STAU2: variants seen among roughly 807,000 people sequenced by gnomAD.
STAU2 encodes the protein staufen double-stranded RNA binding protein 2, also known as double-stranded RNA-binding protein Staufen homolog 2.
In STAU2, 20 loss-of-function variants were observed where a neutral mutation model predicts 65.9. The observed-to-expected ratio is 0.30, with a 90% CI of 0.21 to 0.44. The LOEUF (loss-of-function observed/expected upper bound fraction) is 0.44. Among genes scored for constraint, STAU2 ranks in the 20% least tolerant of loss-of-function variants. The probability of loss-of-function intolerance (pLI) is 1.00; values close to 1 mark genes in which losing one functional copy is unlikely to be tolerated. For missense variants in STAU2, 558 were observed against 683.9 expected (o/e 0.82, Z 2.05); for synonymous variants, 232 against 233.9 (o/e 0.99, Z 0.07).
At chr8:73,711,141 A>C (rs1394573980) in intron 3 of STAU2, among the ~76,000 whole-genome samples, 2 of 149,766 alleles carry the variant, frequency 1.3e-5, no homozygotes, top group Admixed American at 6.6e-5. Flanking sequence ...CAAAAAAAAA[A>C]AAAAAAAAAA....
intron 13 of STAU2, chr8:73,550,056 C>T (rs1046853906): frequency 1.1e-4 from 112 of 985,402 alleles, no homozygotes; most frequent in Middle Eastern, 1.0e-3. Context: ...AGTCATTTCC[C>T]GGAGATTCTG....
intron 6 of STAU2, among the ~76,000 whole-genome samples, chr8:73,667,221 G>A (rs1257869988): frequency 6.6e-6 from 1 of 151,936 alleles, no homozygotes; most frequent in Non-Finnish European, 1.5e-5. Context: ...CAACATTGTC[G>A]TAATTCTTTA....
At chr8:73,651,158 A>T in intron 6 of STAU2, 2 of 1,225,458 alleles carry the variant, frequency 1.6e-6, no homozygotes, top group Non-Finnish European at 2.3e-6. Flanking sequence ...CCTGGCCCGG[A>T]CCAGGCATCG....
At chr8:73,504,631 T>C (rs923836246) in intron 13 of STAU2, among the ~76,000 whole-genome samples, 4 of 151,850 alleles carry the variant, frequency 2.6e-5, no homozygotes, top group African/African-American at 7.3e-5. Context: ...TGCCACCTAG[T>C]GGGGGAGGCA....
chr8:73,536,516 T>G (rs1229977235), intron 13 of STAU2, among the ~76,000 whole-genome samples: 1 of 152,172 alleles, frequency 6.6e-6, no homozygotes, highest in Admixed American at 6.5e-5. Flanking sequence ...AAGCCTACAC[T>G]TTCACCTTAC....
At chr8:73,569,357 G>A (rs924704568) in intron 12 of STAU2, among the ~76,000 whole-genome samples, 13 of 152,094 alleles carry the variant, frequency 8.5e-5, no homozygotes, top group Non-Finnish European at 1.5e-4. Flanking sequence ...AGGCCTGCCC[G>A]CCTCTGTAGA....
intron 6 of STAU2, among the ~76,000 whole-genome samples, chr8:73,665,228 T>G (rs1057003503): frequency 9.2e-5 from 14 of 152,174 alleles, no homozygotes; most frequent in African/African-American, 3.4e-4. Context: ...ACAAAATATT[T>G]AAAAAGTTAC....
chr8:73,599,280 C>A (rs989997730), intron 10 of STAU2, among the ~76,000 whole-genome samples: 69 of 152,198 alleles, frequency 4.5e-4, no homozygotes, highest in African/African-American at 1.7e-3. Flanking sequence ...AATTTGACTA[C>A]ACTAAAAATT....
At chr8:73,541,535 A>C (rs189670754) in intron 13 of STAU2, among the ~76,000 whole-genome samples, 6 of 152,330 alleles carry the variant, frequency 3.9e-5, no homozygotes, top group Admixed American at 3.9e-4. Flanking sequence ...TCCATTTTTC[A>C]AACAGAAACT....
In STAU2 at chr8:73,597,931, C is replaced by T. The variant is rs184668300; in HGVS notation, c.1030-2634G>A. On this transcript the variant is annotated intron_variant, in intron 10 of 14. Transcript: ENST00000524300. ...TTATGCTATTCTTTTCATCCAAATTCATCCATAAAACACGAAATGAGAAAT... is the reference window on the plus strand; with the variant it reads ...TTATGCTATTCTTTTCATCCAAATTTATCCATAAAACACGAAATGAGAAAT... 2.0e-5 allele frequency among the ~76,000 whole-genome samples: 3 copies of T among 152,238 alleles called. No homozygotes were observed. In the East Asian group the frequency reaches 5.8e-4, roughly 29 times the overall value.
At chr8:73,657,437 C>T (rs1003588354) in intron 6 of STAU2, among the ~76,000 whole-genome samples, 1 of 152,022 alleles carries the variant, frequency 6.6e-6, no homozygotes, top group East Asian at 1.9e-4. Context: ...AAAATCAATA[C>T]TGAAAGAATA....
rs534007328 is a variant in STAU2 at position 73,425,433 on chromosome 8, A to G, written c.1531-2731T>C. 3.9e-5 allele frequency among the ~76,000 whole-genome samples: 6 copies of G among 152,254 alleles called. No individual in the cohort carries two copies. In the East Asian group the frequency reaches 1.2e-3, roughly 29 times the overall value. On this transcript the variant is annotated intron_variant, in intron 13 of 14. Transcript: ENST00000524300. ...CTCGAAGTGAGGAGAGGGGCCTGGG[A>G]CAGATTCTCCCTCACAGCCTTCAGA...
At chr8:73,677,022 AG>A (rs1180977239) in intron 5 of STAU2, among the ~76,000 whole-genome samples, 2 of 152,244 alleles carry the variant, frequency 1.3e-5, no homozygotes, top group Non-Finnish European at 2.9e-5. Context: ...AGTAAAAAGT[AG>A]AAAAAATTTT....
intron 13 of STAU2, among the ~76,000 whole-genome samples, chr8:73,512,120 T>C (rs2128924417): frequency 6.6e-6 from 1 of 152,348 alleles, no homozygotes; most frequent in South Asian, 2.1e-4. Flanking sequence ...TACATGTCTA[T>C]CCTTAATGCC....
At chr8:73,671,206 G>A (rs369490255) in intron 6 of STAU2, among the ~76,000 whole-genome samples, 45 of 152,118 alleles carry the variant, frequency 3.0e-4, no homozygotes, top group African/African-American at 1.1e-3. Flanking sequence ...TGAGAGAGGC[G>A]GATAACTTGA....
chr8:73,651,276 G>A, intron 6 of STAU2: 1 of 665,194 alleles, frequency 1.5e-6, no homozygotes, highest in Non-Finnish European at 2.7e-6. Flanking sequence ...CAAACGCCTG[G>A]CGGGCCCCAC....
chr8:73,669,011 G>A, intron 6 of STAU2: 1 of 698,750 alleles, frequency 1.4e-6, no homozygotes, highest in Non-Finnish European at 2.6e-6. Flanking sequence ...TTCATTCCCT[G>A]CCTTAAGAAG....
chr8:73,726,717 T>G (rs377476068), intron 3 of STAU2, among the ~76,000 whole-genome samples: 2 of 152,200 alleles, frequency 1.3e-5, no homozygotes, highest in African/African-American at 2.4e-5. Flanking sequence ...TATTTCCACA[T>G]CATCTTTCTG....
At chr8:73,572,856 C>G (rs1476919055) in intron 12 of STAU2, among the ~76,000 whole-genome samples, 1 of 152,202 alleles carries the variant, frequency 6.6e-6, no homozygotes, top group Non-Finnish European at 1.5e-5. Context: ...GATGCCCTCT[C>G]TCACCACTCC....
Sources: gnomAD v4.1 joint callset for allele counts (sites outside exome capture counted in the v4.1 genomes callset) on GRCh38, gnomAD v4.1.1 for gene constraint, MANE v1.5 for transcripts, NCBI Gene and HGNC (gene_info 2026-07-23, HGNC 2026-07-21) for gene names.